The following LRRC28 variants were observed in gnomAD, a reference collection of about 807,000 sequenced individuals.
The protein encoded by LRRC28 is leucine-rich repeat-containing protein 28.
A neutral mutation model predicts 45.7 loss-of-function variants in LRRC28; 39 were observed. That is an observed-to-expected ratio of 0.85 (90% confidence interval 0.66 to 1.12). The LOEUF is 1.12. Among genes scored for constraint, LRRC28 ranks in the 50% most tolerant of loss-of-function variants. The probability of loss-of-function intolerance (pLI) is 0.00; values close to 1 mark genes in which losing one functional copy is unlikely to be tolerated. For missense variants in LRRC28, 435 were observed against 438.5 expected (o/e 0.99, Z 0.07); for synonymous variants, 206 against 178.8 (o/e 1.15, Z -1.22).
rs140766086 is a variant in LRRC28 at position 99,272,447 on chromosome 15, C to T, written c.169-4129C>T. ...AAGATGTGCAGTCCTAGCAGGTGTTCGGAAAGAGAAGGAAAGAAAGTAGGT... is the reference window on the plus strand; with the variant it reads ...AAGATGTGCAGTCCTAGCAGGTGTTTGGAAAGAGAAGGAAAGAAAGTAGGT... On this transcript the variant is annotated intron_variant, in intron 2 of 9. Transcript: ENST00000301981. 3.5e-3 allele frequency among the ~76,000 whole-genome samples: 533 copies of T among 152,174 alleles called. 2 individuals are homozygous for T. The highest frequency in any genetic ancestry group is 0.013 in the African/African-American group (520 of 41,498).
intron 8 of LRRC28, 139 bp from the exon 9 acceptor site, chr15:99,362,967 G>C (rs543310941): frequency 9.8e-5 from 89 of 907,010 alleles, no homozygotes; most frequent in Non-Finnish European, 1.4e-4. Context: ...TATTCAGTGT[G>C]TATCAATCAG....
At chr15:99,339,979 T>G (rs894070768) in intron 6 of LRRC28, among the ~76,000 whole-genome samples, 19 of 152,218 alleles carry the variant, frequency 1.2e-4, no homozygotes, top group Non-Finnish European at 2.2e-4. Context: ...TTGAAAAATA[T>G]CAAATATAAA....
rs1281998018 is a variant in LRRC28 at position 99,265,102 on chromosome 15, GAT to G, written c.168+8979_168+8980del. ...TCACATGGCAGTTTGGCTAGAGAAA[GAT>G]AGAATTGTTGGGTGTTATTTAGCAA... On this transcript the variant is annotated intron_variant, in intron 2 of 9. Coordinates refer to ENST00000301981, the MANE Select transcript of LRRC28 (RefSeq NM_144598.5). 3.3e-5 allele frequency among the ~76,000 whole-genome samples: 5 copies of G among 152,118 alleles called. No individual in the cohort carries two copies. In the East Asian group the frequency reaches 9.7e-4, roughly 29 times the overall value.
chr15:99,285,972 A>G (rs1597238471), intron 3 of LRRC28, among the ~76,000 whole-genome samples: 1 of 152,322 alleles, frequency 6.6e-6, no homozygotes, highest in East Asian at 1.9e-4. Context: ...ACCTTCTACA[A>G]AATTGATTTA....
chr15:99,382,426 G>C (rs1345194389), intron 9 of LRRC28, among the ~76,000 whole-genome samples: 1 of 152,220 alleles, frequency 6.6e-6, no homozygotes, highest in East Asian at 1.9e-4. Context: ...GCTGTAGACT[G>C]GAGCTGTTCC....
chr15:99,253,492 C>T (rs1461994770), intron 1 of LRRC28, among the ~76,000 whole-genome samples: 1 of 152,110 alleles, frequency 6.6e-6, no homozygotes, highest in Non-Finnish European at 1.5e-5. Flanking sequence ...AGGAGACCAG[C>T]AAGTGCTGTT....
chr15:99,361,470 C>T lies in LRRC28; in HGVS notation c.830C>T (p.Ala277Val), dbSNP rs781693935. ...CACGTCCTCCCTCTGCAGGAATTGG[C>T]TATGAGAGGGCTGTATCATACCTAC... ...HDHVLPLQEL[A>V]MRGLYHTYHS... Residue 277 changes from alanine to valine, a missense_variant, in exon 8 of 10, where the codon GCT (alanine) becomes GTT (valine). Physicochemically the swap from Ala to Val is moderately conservative, Grantham distance 64. Coordinates refer to ENST00000301981, the MANE Select transcript of LRRC28 (RefSeq NM_144598.5). 1.2e-6 allele frequency: 2 copies of T among 1,613,530 alleles called. No individual in the cohort carries two copies. Among genetic ancestry groups the T allele is most frequent in the Non-Finnish European group, 1.7e-6 (2 of 1,179,834 alleles).
At chr15:99,257,996 C>T in intron 2 of LRRC28, 1 of 922,140 alleles carries the variant, frequency 1.1e-6, no homozygotes, top group Non-Finnish European at 1.8e-6. Context: ...TGAAAATGCT[C>T]TTTCTGGAAA....
chr15:99,258,476 C>T, intron 2 of LRRC28: 1 of 788,142 alleles, frequency 1.3e-6, no homozygotes. Context: ...AGCAGCAAGA[C>T]TGAAACTGTT....
At chr15:99,304,532 G>A (rs1377274939) in intron 5 of LRRC28, among the ~76,000 whole-genome samples, 3 of 152,022 alleles carry the variant, frequency 2.0e-5, no homozygotes, top group Non-Finnish European at 4.4e-5. Context: ...CTGGGTTAAA[G>A]TGATTCTTGT....
intron 5 of LRRC28, among the ~76,000 whole-genome samples, chr15:99,308,066 T>A (rs1955253787): frequency 6.6e-6 from 1 of 152,252 alleles, no homozygotes; most frequent in African/African-American, 2.4e-5. Flanking sequence ...TGGCTTGCAC[T>A]AGAGTGTTAG....
intron 2 of LRRC28, among the ~76,000 whole-genome samples, chr15:99,270,597 T>TATC (rs745330633): frequency 3.7e-4 from 56 of 152,352 alleles, no homozygotes; most frequent in Non-Finnish European, 6.6e-4. Flanking sequence ...TTTTAGCATA[T>TATC]ATCAGTACTT....
chr15:99,324,237 G>A (rs759117270), intron 5 of LRRC28, among the ~76,000 whole-genome samples: 1 of 152,124 alleles, frequency 6.6e-6, no homozygotes, highest in Non-Finnish European at 1.5e-5. Context: ...CATACAATGA[G>A]GTTTCATCAT....
chr15:99,282,177 G>GTTTTTTTTGTTTTTTTTTTTTTTT (rs2081815219), intron 3 of LRRC28, among the ~76,000 whole-genome samples: 1 of 98,048 alleles, frequency 1.0e-5, no homozygotes, highest in African/African-American at 4.8e-5. Flanking sequence ...ATTTTTGGAG[G>GTTTTTTTTGTTTTTTTTTTTTTTT]TTTTTTTTTT....
intron 1 of LRRC28, among the ~76,000 whole-genome samples, chr15:99,255,207 CAATT>C (rs1177871042): frequency 1.3e-5 from 2 of 151,228 alleles, no homozygotes; most frequent in Non-Finnish European, 2.9e-5. Flanking sequence ...ACAAGTAAAA[CAATT>C]AGCTGAGTGT....
intron 9 of LRRC28, among the ~76,000 whole-genome samples, chr15:99,371,600 T>C (rs978704): frequency 0.37 from 56,435 of 152,058 alleles, 11,240 homozygotes; most frequent in African/African-American, 0.54. Context: ...TTTGTGGCTA[T>C]TGCTTCTTTG....
chr15:99,291,672 A>G (rs1454401049), intron 5 of LRRC28, among the ~76,000 whole-genome samples: 1 of 152,176 alleles, frequency 6.6e-6, no homozygotes, highest in Non-Finnish European at 1.5e-5. Context: ...TTAACATTTT[A>G]CCATGTTTCT....
intron 2 of LRRC28, chr15:99,259,729 A>G (rs557100497): frequency 5.6e-6 from 8 of 1,424,694 alleles, no homozygotes; most frequent in Non-Finnish European, 7.9e-6. Flanking sequence ...AGGAAGATGA[A>G]GATGATAAAA....
chr15:99,385,779 GATA>G, intron 9 of LRRC28, among the ~76,000 whole-genome samples: 1 of 151,358 alleles, frequency 6.6e-6, no homozygotes, highest in South Asian at 2.1e-4. Context: ...CTACTTTAGG[GATA>G]ATATATCTTC....
Sources: allele counts gnomAD v4.1 joint callset (sites outside exome capture counted in the v4.1 genomes callset), GRCh38; gene constraint gnomAD v4.1.1; transcripts MANE v1.5; gene names NCBI Gene and HGNC (gene_info 2026-07-23, HGNC 2026-07-21).